The following SCMH1 variants were observed in gnomAD, a reference collection of about 807,000 sequenced individuals.
The protein encoded by SCMH1 is polycomb protein SCMH1.
Under a neutral mutation model 70.8 loss-of-function variants are expected in SCMH1, and 37 were observed. The observed-to-expected ratio is 0.52, with a 90% confidence interval of 0.40 to 0.69. SCMH1 has a LOEUF of 0.69. Among genes scored for constraint, SCMH1 ranks in the 30% least tolerant of loss-of-function variants. The probability of loss-of-function intolerance (pLI) is 0.00; values close to 1 mark genes in which losing one functional copy is unlikely to be tolerated. For synonymous variants in SCMH1, 292 were observed against 307.4 expected, an observed-to-expected ratio of 0.95 and a Z score of 0.52; for missense variants, 607 against 827.3, an observed-to-expected ratio of 0.73 and a Z score of 3.27.
At chr1:41,110,287 C>T (rs1668949991) in intron 8 of SCMH1, among the ~76,000 whole-genome samples, 1 of 152,180 alleles carries the variant, frequency 6.6e-6, no homozygotes, top group Non-Finnish European at 1.5e-5. Context: ...CAGACCAGCT[C>T]AAGTAATTTT....
intron 1 of SCMH1, among the ~76,000 whole-genome samples, chr1:41,204,730 C>A (rs916863720): frequency 6.6e-6 from 1 of 152,206 alleles, no homozygotes; most frequent in African/African-American, 2.4e-5. Flanking sequence ...ACTCTTAATT[C>A]TCCACATAGC....
intron 1 of SCMH1, among the ~76,000 whole-genome samples, chr1:41,197,403 C>A (rs1332382699): frequency 6.6e-6 from 1 of 152,122 alleles, no homozygotes; most frequent in South Asian, 2.1e-4. Context: ...CATGGATGAA[C>A]CTTCAAGGCA....
chr1:41,192,617 T>A (rs950284560), intron 1 of SCMH1, among the ~76,000 whole-genome samples: 1 of 152,142 alleles, frequency 6.6e-6, no homozygotes, highest in Non-Finnish European at 1.5e-5. Context: ...CCTTTGCTAC[T>A]ATTTAGGAAA....
intron 1 of SCMH1, among the ~76,000 whole-genome samples, chr1:41,219,060 G>C (rs1405509115): frequency 6.6e-6 from 1 of 152,124 alleles, no homozygotes; most frequent in Non-Finnish European, 1.5e-5. Flanking sequence ...GCAGGGAAGG[G>C]GCCTGAACAT....
chr1:41,081,428 C>T (rs1422516455), intron 8 of SCMH1, among the ~76,000 whole-genome samples: 1 of 152,164 alleles, frequency 6.6e-6, no homozygotes, highest in Non-Finnish European at 1.5e-5. Flanking sequence ...ATGCAAAGGA[C>T]CTATAGTAGC....
intron 2 of SCMH1, among the ~76,000 whole-genome samples, chr1:41,178,911 C>A (rs1647832969): frequency 6.6e-6 from 1 of 152,198 alleles, no homozygotes; most frequent in Non-Finnish European, 1.5e-5. Context: ...GAACTCCCCA[C>A]CCCAAATCAA....
chr1:41,159,127 G>A, intron 4 of SCMH1, among the ~76,000 whole-genome samples: 1 of 152,168 alleles, frequency 6.6e-6, no homozygotes. Context: ...AGATTCCACA[G>A]ATCTACTGAA....
At chr1:41,231,743 C>T (rs1661336944) in intron 1 of SCMH1, among the ~76,000 whole-genome samples, 1 of 152,114 alleles carries the variant, frequency 6.6e-6, no homozygotes, top group African/African-American at 2.4e-5. Context: ...ATTTTATAGG[C>T]CAGGTGTGGT....
intron 2 of SCMH1, among the ~76,000 whole-genome samples, chr1:41,176,380 C>T (rs1032795286): frequency 6.6e-6 from 1 of 152,160 alleles, no homozygotes; most frequent in Admixed American, 6.5e-5. Flanking sequence ...GTTCATCTCA[C>T]AGGGGAGTGT....
At chr1:41,089,267 C>T (rs1467969901) in intron 8 of SCMH1, among the ~76,000 whole-genome samples, 1 of 152,170 alleles carries the variant, frequency 6.6e-6, no homozygotes, top group Non-Finnish European at 1.5e-5. Context: ...ACATTCTAAG[C>T]ATAGTATATC....
intron 1 of SCMH1, among the ~76,000 whole-genome samples, chr1:41,222,153 G>GGC: frequency 6.6e-6 from 1 of 151,734 alleles, no homozygotes; most frequent in African/African-American, 2.4e-5. Context: ...AGAAAGTGAG[G>GGC]GAAGGGAAGG....
chr1:41,227,601 G>A (rs1254043526), intron 1 of SCMH1, among the ~76,000 whole-genome samples: 2 of 152,206 alleles, frequency 1.3e-5, no homozygotes, highest in African/African-American at 4.8e-5. Context: ...GAACTGGAGG[G>A]AGGGAGGAAT....
intron 1 of SCMH1, among the ~76,000 whole-genome samples, chr1:41,237,151 A>G (rs1159671804): frequency 2.0e-5 from 3 of 152,202 alleles, no homozygotes; most frequent in Admixed American, 2.0e-4. Flanking sequence ...TTGTGCGGTT[A>G]ATTTTTAGTG....
intron 2 of SCMH1, among the ~76,000 whole-genome samples, chr1:41,177,902 T>G (rs923847891): frequency 6.6e-6 from 1 of 151,960 alleles, no homozygotes; most frequent in African/African-American, 2.4e-5. Flanking sequence ...ACAAACATAC[T>G]CCTCGAGAAG....
intron 2 of SCMH1, among the ~76,000 whole-genome samples, chr1:41,181,339 T>G (rs531922652): frequency 6.6e-6 from 1 of 152,228 alleles, no homozygotes; most frequent in South Asian, 2.1e-4. Context: ...AAAGCCAAAA[T>G]TGACAAATGG....
chr1:41,212,067 A>AT (rs1168662004), intron 1 of SCMH1, among the ~76,000 whole-genome samples: 2 of 152,166 alleles, frequency 1.3e-5, no homozygotes, highest in East Asian at 3.8e-4. Context: ...CCTAATGTAA[A>AT]TGAGTTGATG....
At chr1:41,206,656 G>A (rs1655611247) in intron 1 of SCMH1, among the ~76,000 whole-genome samples, 1 of 152,108 alleles carries the variant, frequency 6.6e-6, no homozygotes, top group Non-Finnish European at 1.5e-5. Flanking sequence ...AACCTAGCAA[G>A]GCAGGCCAAC....
At chr1:41,161,334 C>T (rs1456887085) in intron 3 of SCMH1, 30 bp downstream of exon 3, 20 of 1,546,494 alleles carry the variant, frequency 1.3e-5, no homozygotes, top group Admixed American at 2.0e-5. Flanking sequence ...TAAAATTTTT[C>T]CACACCAAAC....
intron 10 of SCMH1, among the ~76,000 whole-genome samples, chr1:41,049,714 C>T (rs182154653): frequency 6.7e-6 from 1 of 149,776 alleles, no homozygotes; most frequent in Non-Finnish European, 1.5e-5. Context: ...TTGCAGTGAG[C>T]CGAGATTGCG....
Sources: gnomAD v4.1 joint callset for allele counts (sites outside exome capture counted in the v4.1 genomes callset) on GRCh38, gnomAD v4.1.1 for gene constraint, MANE v1.5 for transcripts, NCBI Gene and HGNC (gene_info 2026-07-23, HGNC 2026-07-21) for gene names.